VPS13D: variants seen among roughly 807,000 people sequenced by gnomAD.
VPS13D encodes vacuolar protein sorting 13 homolog D.
VPS13D carries 187 observed loss-of-function variants against 461.9 expected under a neutral mutation model. That is an observed-to-expected ratio of 0.40 (90% CI 0.36 to 0.46). The LOEUF (loss-of-function observed/expected upper bound fraction) is 0.46. Ranked by LOEUF, VPS13D falls within the 20% of genes least tolerant of loss-of-function variation. VPS13D has a pLI of 0.60. For missense variants in VPS13D, 4,711 were observed against 5,364.9 expected (o/e 0.88, Z 3.81); for synonymous variants, 1,951 against 1,986.3 (o/e 0.98, Z 0.47).
chr1:12,305,795 T>C (rs1642545187), intron 26 of VPS13D, among the ~76,000 whole-genome samples: 1 of 152,192 alleles, frequency 6.6e-6, no homozygotes, highest in Admixed American at 6.5e-5. Context: ...CTCTCTCTGG[T>C]ACCTTATAGT....
chr1:12,313,918 G>T (rs1160364844), intron 29 of VPS13D, among the ~76,000 whole-genome samples, 197 bp from the exon 30 acceptor site: 4 of 152,188 alleles, frequency 2.6e-5, no homozygotes, highest in Non-Finnish European at 5.9e-5. Flanking sequence ...GGAAAAGTAA[G>T]ATCCAAGGCA....
Position 12,283,756 on chromosome 1 carries a change from G to T in VPS13D, c.5634+20G>T. On this transcript the variant is annotated intron_variant, in intron 21 of 69. Transcript: ENST00000620676. ...CTCAAGGTATCCTCAGTTCCCTTTG[G>T]CTCCCTTAAGCTCTAAAAATGGATT... 2 of 1,573,680 alleles carry T rather than the reference G, an allele frequency of 1.3e-6. No individual in the cohort carries two copies. Among genetic ancestry groups the T allele is most frequent in the Non-Finnish European group, 8.6e-7 (1 of 1,160,868 alleles).
rs567606088 is a variant in VPS13D at position 12,415,089 on chromosome 1, C to T, written c.12033C>T (p.Ala4011=). Reference sequence around the variant, plus strand: ...CATTTCCTTTCTTCCCTAATTAGGCCCTAAAAAGCACCTTGGGGTTTCCTT... The same window carrying T: ...CATTTCCTTTCTTCCCTAATTAGGCTCTAAAAAGCACCTTGGGGTTTCCTT... ...TSNKLPLDLK[A]LKSTLGFPLI... is the part of the protein sequence containing the mutation. Residue 4011 remains alanine, a splice_region_variant and synonymous_variant, in exon 64 of 70, where the codon GCC becomes GCT. Coordinates refer to ENST00000620676, the MANE Select transcript of VPS13D (RefSeq NM_015378.4). 5.0e-4 allele frequency: 801 copies of T among 1,613,606 alleles called. 8 individuals are homozygous for T. The South Asian group carries it at 7.8e-3, about 16-fold the overall frequency.
intron 22 of VPS13D, among the ~76,000 whole-genome samples, chr1:12,289,821 A>T (rs1183886488): frequency 1.3e-5 from 2 of 152,092 alleles, no homozygotes; most frequent in Non-Finnish European, 2.9e-5. Flanking sequence ...CTGTAGTCCC[A>T]GCGACTCAGG....
At chr1:12,338,604 G>A (rs151061725) in intron 40 of VPS13D, among the ~76,000 whole-genome samples, 1,719 of 152,278 alleles carry the variant, frequency 0.011, 12 homozygotes, top group Middle Eastern at 0.034. Flanking sequence ...ATATTGAAGA[G>A]CAAGTGGATT....
intron 59 of VPS13D, 125 bp from the exon 60 acceptor site, chr1:12,386,060 G>A (rs1644347499): frequency 9.0e-7 from 1 of 1,114,246 alleles, no homozygotes; most frequent in African/African-American, 1.6e-5. Flanking sequence ...ACTCCCCTAA[G>A]TGGTTTTCAT....
In VPS13D at chr1:12,283,685, C is replaced by T. The variant is rs755182759; in HGVS notation, c.5583C>T (p.Ala1861=). 5 of 1,614,040 alleles carry T rather than the reference C, an allele frequency of 3.1e-6. No homozygotes were observed. Among genetic ancestry groups the T allele is most frequent in the African/African-American group, 2.7e-5 (2 of 74,924 alleles). Residue 1861 remains alanine, a synonymous_variant, in exon 21 of 70, where the codon GCC becomes GCT. Coordinates refer to ENST00000620676, the MANE Select transcript of VPS13D (RefSeq NM_015378.4). ...ACAACGTGAAGTTGGAGCCACATGCCTCCATGGAGTCTGGACTTCAGGATC... is the reference window on the plus strand; with the variant it reads ...ACAACGTGAAGTTGGAGCCACATGCTTCCATGGAGTCTGGACTTCAGGATC... ...ILHNVKLEPH[A]SMESGLQDPV...
At chr1:12,426,152 T>C (rs1462966425) in intron 65 of VPS13D, among the ~76,000 whole-genome samples, 1 of 152,164 alleles carries the variant, frequency 6.6e-6, no homozygotes, top group Non-Finnish European at 1.5e-5. Flanking sequence ...ATAGAAAATG[T>C]ATGACTCAAA....
At chr1:12,325,261 T>C (rs2101538634) in intron 35 of VPS13D, among the ~76,000 whole-genome samples, 1 of 151,772 alleles carries the variant, frequency 6.6e-6, no homozygotes, top group South Asian at 2.1e-4. Flanking sequence ...TTTCTACTTC[T>C]CTTTTTTTTT....
intron 6 of VPS13D, 72 bp from the exon 7 acceptor site, chr1:12,253,650 G>C (rs1640814159): frequency 5.1e-6 from 6 of 1,183,288 alleles, no homozygotes; most frequent in Admixed American, 3.4e-5. Flanking sequence ...CTTTACAAAT[G>C]GTTTGTTGAA....
chr1:12,355,839 T>G (rs1643880786), intron 47 of VPS13D, 60 bp from the exon 48 acceptor site: 1 of 1,438,196 alleles, frequency 7.0e-7, no homozygotes, highest in Non-Finnish European at 9.2e-7. Context: ...TTACTTTTGC[T>G]GTGAGCTATT....
rs1461342760 is a variant in VPS13D, at chr1:12,396,016, TA to T, written c.11635-4164del. 4.2e-4 allele frequency among the ~76,000 whole-genome samples: 58 copies of T among 136,916 alleles called. 4 individuals are homozygous for T. Among genetic ancestry groups the T allele is most frequent in the African/African-American group, 1.4e-3 (49 of 34,786 alleles). The allele number at this position is 136,916 out of a possible 152,430, so 89.8% of individuals were successfully genotyped here. A position where few individuals can be genotyped will look rare whatever the true frequency, so the allele number is the denominator to read the frequency against. ...TAGGAGATATATATATATATATATA[TA>T]TATATATATATAGTTCTTTAAGATC... On this transcript the variant is annotated intron_variant, in intron 60 of 69. Transcript: ENST00000620676.
In VPS13D at chr1:12,311,803, C is replaced by T. The variant is rs777163004; in HGVS notation, c.6823-10C>T. On this transcript the variant is annotated splice_polypyrimidine_tract_variant and intron_variant, in intron 28 of 69. Transcript: ENST00000620676. ...TCAGCTGTGGATTGACGAGCATTTTCCTTTTGTAGACTGTCCTGAGTGGAG... is the reference window on the plus strand; with the variant it reads ...TCAGCTGTGGATTGACGAGCATTTTTCTTTTGTAGACTGTCCTGAGTGGAG... 6 of 1,609,850 alleles carry T rather than the reference C, an allele frequency of 3.7e-6. No homozygotes were observed. The highest frequency in any genetic ancestry group is 5.1e-6 in the Non-Finnish European group (6 of 1,177,612).
rs1643073436 is a variant in VPS13D at position 12,322,754 on chromosome 1, T to C, written c.7915+8T>C. 3 of 1,613,108 alleles carry C rather than the reference T, an allele frequency of 1.9e-6. No homozygotes were observed. The highest frequency in any genetic ancestry group is 2.5e-6 in the Non-Finnish European group (3 of 1,179,248). On this transcript the variant is annotated splice_region_variant and intron_variant, in intron 34 of 69. Transcript: ENST00000620676. ...CCTTAGATCCTGTCTTGGGTAGGTG[T>C]TTAACTATAAAACCCACTCAGTCTT...
At chr1:12,287,184 A>T (rs1641998954) in intron 21 of VPS13D, among the ~76,000 whole-genome samples, 1 of 152,140 alleles carries the variant, frequency 6.6e-6, no homozygotes, top group Admixed American at 6.5e-5. Context: ...TAATTTCCCC[A>T]TGATGATCTC....
At chr1:12,447,991 G>A (rs1388109050) in intron 65 of VPS13D, among the ~76,000 whole-genome samples, 1 of 152,180 alleles carries the variant, frequency 6.6e-6, no homozygotes, top group Non-Finnish European at 1.5e-5. Flanking sequence ...GGAGGGAACC[G>A]GAGAGCACTC....
chr1:12,353,225 G>A (rs1315004570), intron 46 of VPS13D, among the ~76,000 whole-genome samples: 2 of 151,912 alleles, frequency 1.3e-5, no homozygotes, highest in Non-Finnish European at 2.9e-5. Flanking sequence ...ATCTTGTTGA[G>A]ACTTTAAGTT....
rs145511355 is a variant in VPS13D at position 12,362,422 on chromosome 1, T to A, written c.10142-298T>A. Among the ~76,000 whole-genome samples, 21 of 152,348 alleles carry A rather than the reference T, an allele frequency of 1.4e-4. No individual in the cohort carries two copies. In the East Asian group the frequency reaches 3.5e-3, roughly 25 times the overall value. ...AATGGAAACCTAACATATATGTGAC[T>A]GGACACCTGTGTATTTTAGTTGCTG... is the stretch of plus-strand genomic sequence containing the variant. On this transcript the variant is annotated intron_variant, in intron 50 of 69. Transcript: ENST00000620676.
At chr1:12,381,295 C>T (rs2101646311) in intron 57 of VPS13D, among the ~76,000 whole-genome samples, 1 of 152,272 alleles carries the variant, frequency 6.6e-6, no homozygotes, top group East Asian at 1.9e-4. Flanking sequence ...GTGTTGAAAC[C>T]TGTACTATAA....
Sources: allele counts gnomAD v4.1 joint callset (sites outside exome capture counted in the v4.1 genomes callset), GRCh38; gene constraint gnomAD v4.1.1; transcripts MANE v1.5; gene names NCBI Gene and HGNC (gene_info 2026-07-23, HGNC 2026-07-21).